The following PRMT8 variants were observed in gnomAD, a reference collection of about 807,000 sequenced individuals.
The protein encoded by PRMT8 is protein arginine N-methyltransferase 8.
PRMT8 carries 7 observed loss-of-function variants against 47.1 expected under a neutral mutation model. That is an observed-to-expected ratio of 0.15 (90% confidence interval 0.08 to 0.28). The LOEUF (loss-of-function observed/expected upper bound fraction) is 0.28, where lower values mean the gene tolerates loss of function less well. Among genes scored for constraint, PRMT8 ranks in the 10% least tolerant of loss-of-function variants. The pLI is 1.00. For synonymous variants in PRMT8, 188 were observed against 186.5 expected (o/e 1.01, Z -0.07); for missense variants, 237 against 505.4 (o/e 0.47, Z 5.09).
At chr12:3,560,451 C>T (rs1446877759) in intron 4 of PRMT8, among the ~76,000 whole-genome samples, 1 of 152,160 alleles carries the variant, frequency 6.6e-6, no homozygotes, top group East Asian at 1.9e-4. Flanking sequence ...ACATGTGTGG[C>T]CCACACGCGC....
At chr12:3,460,410 C>CA (rs1208033817) in intron 1 of PRMT8, among the ~76,000 whole-genome samples, 1 of 152,138 alleles carries the variant, frequency 6.6e-6, no homozygotes, top group African/African-American at 2.4e-5. Context: ...TTCAGAAGAC[C>CA]AGGCAGCTGG....
rs769830424 is a variant in PRMT8, at chr12:3,583,249, A to T, written c.979+41A>T. 19 of 1,570,040 alleles carry T rather than the reference A, an allele frequency of 1.2e-5. No homozygotes were observed. In the Admixed American group the frequency reaches 3.3e-4, roughly 28 times the overall value. On this transcript the variant is annotated intron_variant, in intron 8 of 9. Transcript: ENST00000382622. This position sits in a 1 kb window ranked among gnomAD's most constrained non-coding sequence, Gnocchi z 4.7. The stretch of plus-strand genomic sequence containing the variant: ...CTTCCCAGAGCCTCCTCCCTCTCCC[A>T]TGCTTCCTCAAGTCTTTGTGGGGTG...
At chr12:3,464,647 G>A (rs920809095) in intron 1 of PRMT8, among the ~76,000 whole-genome samples, 8 of 152,194 alleles carry the variant, frequency 5.3e-5, no homozygotes, top group South Asian at 4.2e-4. Flanking sequence ...CCCATACCCC[G>A]GTATCTGTAG....
At chr12:3,506,194 T>G (rs1377890805) in intron 1 of PRMT8, among the ~76,000 whole-genome samples, 1 of 152,210 alleles carries the variant, frequency 6.6e-6, no homozygotes. Flanking sequence ...CTCTATGATA[T>G]GTATGGGTAG....
Position 3,583,240 on chromosome 12 carries a change from C to T in PRMT8, c.979+32C>T. The T allele has an allele frequency of 6.3e-7, 1 of 1,587,110 alleles. No homozygotes were observed. Among genetic ancestry groups the T allele is most frequent in the Non-Finnish European group, 8.6e-7 (1 of 1,165,298 alleles). ...TGTTTGTTGCTTCCCAGAGCCTCCT[C>T]CCTCTCCCATGCTTCCTCAAGTCTT... On this transcript the variant is annotated intron_variant, in intron 8 of 9. Transcript: ENST00000382622. The surrounding 1 kb of genome is among the most constrained non-coding windows in gnomAD (Gnocchi z 4.7).
Position 3,465,844 on chromosome 12 carries a change from C to T in PRMT8, c.49-74762C>T, listed in dbSNP as rs923886781. Among the ~76,000 whole-genome samples the T allele has an allele frequency of 3.3e-5, 5 of 152,324 alleles. No homozygotes were observed. In the East Asian group the frequency reaches 7.7e-4, roughly 23 times the overall value. On this transcript the variant is annotated intron_variant, in intron 1 of 9. Coordinates refer to the PRMT8 transcript ENST00000452611. ...CTCACACTTTATTTTGGATGGAGAACTCTGCACACATACGCAGGAGGGTTG... is the reference window on the plus strand; with the variant it reads ...CTCACACTTTATTTTGGATGGAGAATTCTGCACACATACGCAGGAGGGTTG...
At chr12:3,536,078 G>A (rs1042924859) in intron 1 of PRMT8, among the ~76,000 whole-genome samples, 1 of 152,168 alleles carries the variant, frequency 6.6e-6, no homozygotes, top group Non-Finnish European at 1.5e-5. Flanking sequence ...GTTCCAATTT[G>A]CCTGCATAGG....
At position 3,552,122 on chromosome 12, in the gene PRMT8, G is replaced by C. The variant is rs1431868321; in HGVS notation, c.418-1529G>C. ...GGGTGCCTGTAATTCCAGCTACTTG[G>C]AGACTGAGGCTGGAGAATCGCTTGA... On this transcript the variant is annotated intron_variant, in intron 3 of 9. Transcript: ENST00000382622. This position sits in a 1 kb window ranked among gnomAD's most constrained non-coding sequence, Gnocchi z 4.5. The C allele has an allele frequency of 2.6e-5, 4 of 152,540 alleles. No homozygotes were observed. The highest frequency in any genetic ancestry group is 9.6e-5 in the African/African-American group (4 of 41,454). The allele number at this position is 152,540 out of a possible 1,614,324, so 9.4% of individuals were successfully genotyped here. A position where few individuals can be genotyped will look rare whatever the true frequency, so the allele number is the denominator to read the frequency against.
At chr12:3,544,455 G>A (rs1420593242) in intron 2 of PRMT8, among the ~76,000 whole-genome samples, 1 of 152,226 alleles carries the variant, frequency 6.6e-6, no homozygotes, top group African/African-American at 2.4e-5. Context: ...AGGTTTTGAA[G>A]GGAAGGCAAG....
At chr12:3,562,897 A>T (rs1257697540) in intron 4 of PRMT8, among the ~76,000 whole-genome samples, 1 of 152,156 alleles carries the variant, frequency 6.6e-6, no homozygotes, top group Non-Finnish European at 1.5e-5. Flanking sequence ...CATTCCAGAT[A>T]GAGAAACTTG....
chr12:3,435,683 A>G (rs1299814630), intron 1 of PRMT8, among the ~76,000 whole-genome samples: 1 of 151,492 alleles, frequency 6.6e-6, no homozygotes, highest in East Asian at 2.0e-4. Flanking sequence ...CACCACACCC[A>G]GCTAATTTTT....
At chr12:3,519,164 T>A (rs1865840736) in intron 1 of PRMT8, among the ~76,000 whole-genome samples, 1 of 151,404 alleles carries the variant, frequency 6.6e-6, no homozygotes, top group African/African-American at 2.4e-5. Context: ...CCAGCACGGC[T>A]CAGCTCGTGG....
chr12:3,461,154 A>G (rs572229255), intron 1 of PRMT8, among the ~76,000 whole-genome samples: 2 of 152,298 alleles, frequency 1.3e-5, no homozygotes, highest in East Asian at 1.9e-4. Flanking sequence ...GCTGGTAGGT[A>G]AGCATGGTCC....
At chr12:3,484,311 G>A (rs942180910) in intron 1 of PRMT8, among the ~76,000 whole-genome samples, 2 of 152,190 alleles carry the variant, frequency 1.3e-5, no homozygotes, top group African/African-American at 4.8e-5. Flanking sequence ...AGGATGCGGG[G>A]TTTGTCTCAG....
intron 1 of PRMT8, among the ~76,000 whole-genome samples, chr12:3,530,844 G>C (rs1866019224): frequency 6.6e-6 from 1 of 152,212 alleles, no homozygotes; most frequent in Admixed American, 6.5e-5. Flanking sequence ...AATTTCCTCT[G>C]AATATTTACA....
intron 1 of PRMT8, 109 bp downstream of exon 1, chr12:3,491,809 C>A: frequency 7.5e-7 from 1 of 1,329,100 alleles, no homozygotes; most frequent in Non-Finnish European, 1.0e-6. Context: ...AGTTTCATCC[C>A]GCTCGCTTCT....
At chr12:3,448,515 C>G (rs1864881718) in intron 1 of PRMT8, among the ~76,000 whole-genome samples, 1 of 152,084 alleles carries the variant, frequency 6.6e-6, no homozygotes, top group Admixed American at 6.6e-5. Context: ...AACCTTGGAA[C>G]TACTGAAATT....
At position 3,531,093 on chromosome 12, in the gene PRMT8, A is replaced by G. The variant is rs150532014; in HGVS notation, c.76-9513A>G. Among the ~76,000 whole-genome samples the G allele has an allele frequency of 3.2e-3, 486 of 152,352 alleles. 1 individual carries two copies. Among genetic ancestry groups the G allele is most frequent in the African/African-American group, 0.011 (458 of 41,584 alleles). ...ACTCCAGCCTGGGGTAAAGAGAGTC[A>G]TGAACATAGCATAGGTCCCACAGGG... On this transcript the variant is annotated intron_variant, in intron 1 of 9. Transcript: ENST00000382622.
intron 1 of PRMT8, among the ~76,000 whole-genome samples, chr12:3,470,851 G>A (rs939314453): frequency 1.4e-4 from 22 of 152,168 alleles, no homozygotes; most frequent in African/African-American, 4.6e-4. Context: ...GCAAGCTCTG[G>A]GACACAGGGC....
Sources: allele counts gnomAD v4.1 joint callset (sites outside exome capture counted in the v4.1 genomes callset), GRCh38; gene constraint gnomAD v4.1.1; non-coding constraint Gnocchi (gnomAD v3.1); transcripts MANE v1.5; gene names NCBI Gene and HGNC (gene_info 2026-07-23, HGNC 2026-07-21).